Variants in CPS1 observed in about 807,000 individuals in gnomAD.
CPS1 encodes carbamoyl-phosphate synthase [ammonia], mitochondrial.
CPS1 carries 109 observed loss-of-function variants against 174.6 expected under a neutral mutation model. The observed-to-expected ratio is 0.62, with a 90% confidence interval of 0.53 to 0.73. The LOEUF (loss-of-function observed/expected upper bound fraction) is 0.73, where lower values mean the gene tolerates loss of function less well. CPS1 is among the 30% of genes least tolerant of loss of function. CPS1 has a pLI of 0.00. For missense variants in CPS1, 1,689 were observed against 1,821.9 expected, an observed-to-expected ratio of 0.93 and a Z score of 1.33; for synonymous variants, 637 against 632.0, an observed-to-expected ratio of 1.01 and a Z score of -0.12.
At position 210,677,799 on chromosome 2, in the gene CPS1, G is replaced by A. The variant is rs1553519486; in HGVS notation, c.4405-88G>A. ...TATCCCATACCCCTTTGAAAACTGGGGACAGACACTTGTGACTTTTGTCTT... is the reference window on the plus strand; with the variant it reads ...TATCCCATACCCCTTTGAAAACTGGAGACAGACACTTGTGACTTTTGTCTT... On this transcript the variant is annotated intron_variant, in intron 37 of 37. Coordinates refer to ENST00000233072, the MANE Select transcript of CPS1 (RefSeq NM_001875.5). 37 of 1,055,550 alleles carry A rather than the reference G, an allele frequency of 3.5e-5. No homozygotes were observed. In the South Asian group the frequency reaches 4.6e-4, roughly 13 times the overall value. 65.4% of individuals were successfully genotyped at this position (1,055,550 alleles called of 1,614,324 possible).
At position 210,500,113 on chromosome 2, in the gene CPS1, G is replaced by A. The variant is rs1306526926; in HGVS notation, c.3+22347G>A. On this transcript the variant is annotated intron_variant, in intron 1 of 38. Coordinates refer to the CPS1 transcript ENST00000430249. Reference sequence around the variant, plus strand: ...CTTATAAAACCATCAGATCTCATGAGAACTCATCCACTATCATGAAAACAG... The same window carrying A: ...CTTATAAAACCATCAGATCTCATGAAAACTCATCCACTATCATGAAAACAG... Among the ~76,000 whole-genome samples the A allele has an allele frequency of 3.3e-5, 5 of 152,024 alleles. 1 individual carries two copies. The highest frequency in any genetic ancestry group is 7.4e-5 in the Non-Finnish European group (5 of 68,006).
intron 1 of CPS1, among the ~76,000 whole-genome samples, chr2:210,558,363 T>C (rs1457411715): frequency 6.6e-6 from 1 of 152,028 alleles, no homozygotes; most frequent in East Asian, 1.9e-4. Context: ...TCTAGTTATA[T>C]ATATTTTCTT....
At chr2:210,667,508 AT>A (rs373699964) in intron 33 of CPS1, among the ~76,000 whole-genome samples, 13 of 152,292 alleles carry the variant, frequency 8.5e-5, no homozygotes, top group African/African-American at 3.1e-4. Flanking sequence ...GAACTTCTGT[AT>A]ACTCTAACAT....
At chr2:210,514,413 G>A (rs1364456485) in intron 1 of CPS1, among the ~76,000 whole-genome samples, 1 of 151,734 alleles carries the variant, frequency 6.6e-6, no homozygotes, top group South Asian at 2.1e-4. Context: ...TTAGGTAGAT[G>A]TATTCCTAGG....
rs1697706598 is a variant in CPS1, at chr2:210,576,227, G to A, written c.237-119G>A. 9.9e-6 allele frequency: 11 copies of A among 1,105,802 alleles called. No homozygotes were observed. The Middle Eastern group carries it at 5.9e-4, about 60-fold the overall frequency. The allele number at this position is 1,105,802 out of a possible 1,614,324, so 68.5% of individuals were successfully genotyped here. ...TTCCCCAGGTACGTTAAAATCTAGA[G>A]ACATTCTTGTTGGATTCTTCTCATT... On this transcript the variant is annotated intron_variant, in intron 2 of 37. Transcript: ENST00000233072.
intron 1 of CPS1, among the ~76,000 whole-genome samples, chr2:210,558,965 AC>A (rs2106041728): frequency 6.6e-6 from 1 of 152,210 alleles, no homozygotes; most frequent in African/African-American, 2.4e-5. Flanking sequence ...AATGCCAAGC[AC>A]AAAAAATAGA....
intron 13 of CPS1, among the ~76,000 whole-genome samples, chr2:210,596,856 GTTTTAACT>G (rs1698498092): frequency 6.6e-6 from 1 of 151,664 alleles, no homozygotes; most frequent in African/African-American, 2.4e-5. Flanking sequence ...AAGTTATATA[GTTTTAACT>G]AAAGAACAGG....
At chr2:210,677,321 G>A (rs1701567679) in intron 37 of CPS1, among the ~76,000 whole-genome samples, 185 bp downstream of exon 37, 1 of 152,168 alleles carries the variant, frequency 6.6e-6, no homozygotes, top group African/African-American at 2.4e-5. Flanking sequence ...GGGACAGTTG[G>A]TGATCAAGCA....
At chr2:210,604,994 T>G in intron 16 of CPS1, 108 bp from the exon 17 acceptor site, 59 of 1,225,006 alleles carry the variant, frequency 4.8e-5, no homozygotes, top group Non-Finnish European at 6.8e-5. Flanking sequence ...AGACGGGGTT[T>G]GAGAGTTCAG....
chr2:210,577,126 G>A, intron 3 of CPS1: 1 of 420,250 alleles, frequency 2.4e-6, no homozygotes, highest in Non-Finnish European at 4.4e-6. Context: ...TGTGCATTAA[G>A]CCAGTAATTA....
At chr2:210,541,639 A>T (rs1475251189) in intron 1 of CPS1, among the ~76,000 whole-genome samples, 1 of 152,162 alleles carries the variant, frequency 6.6e-6, no homozygotes, top group East Asian at 1.9e-4. Context: ...TTAAGCCCTA[A>T]AAAACAAAGC....
At chr2:210,520,121 A>T (rs1439114731) in intron 1 of CPS1, among the ~76,000 whole-genome samples, 2 of 152,048 alleles carry the variant, frequency 1.3e-5, no homozygotes, top group African/African-American at 4.8e-5. Flanking sequence ...ATTTTGCTAA[A>T]TTTATATAAC....
intron 2 of CPS1, among the ~76,000 whole-genome samples, chr2:210,574,120 GAT>G (rs1431443564): frequency 6.6e-6 from 1 of 151,998 alleles, no homozygotes; most frequent in East Asian, 1.9e-4. Context: ...CAATTCTAAG[GAT>G]AACTAATTAT....
At chr2:210,531,418 T>G (rs1696110946) in intron 1 of CPS1, among the ~76,000 whole-genome samples, 1 of 152,156 alleles carries the variant, frequency 6.6e-6, no homozygotes, top group African/African-American at 2.4e-5. Flanking sequence ...GTACTTATTA[T>G]TCCATGCCTA....
At chr2:210,510,953 A>C (rs1336790405) in intron 1 of CPS1, among the ~76,000 whole-genome samples, 5 of 152,130 alleles carry the variant, frequency 3.3e-5, no homozygotes, top group East Asian at 1.9e-4. Flanking sequence ...CTAGTTCAAC[A>C]ATTGTGGAAG....
intron 1 of CPS1, among the ~76,000 whole-genome samples, chr2:210,506,584 A>G (rs1346697153): frequency 6.6e-6 from 1 of 152,198 alleles, no homozygotes; most frequent in Non-Finnish European, 1.5e-5. Flanking sequence ...ACTCCAAGCT[A>G]AAGGAGGAAG....
At chr2:210,489,946 C>T (rs1177228005) in intron 1 of CPS1, among the ~76,000 whole-genome samples, 3 of 144,620 alleles carry the variant, frequency 2.1e-5, no homozygotes, top group Non-Finnish European at 3.0e-5. Flanking sequence ...TGCAGTGAGC[C>T]GAGATCCTGC....
chr2:210,500,334 C>A (rs888156707), intron 1 of CPS1, among the ~76,000 whole-genome samples: 6 of 152,082 alleles, frequency 3.9e-5, no homozygotes, highest in African/African-American at 1.4e-4. Flanking sequence ...CCCAACAGTC[C>A]CCCAAAGTCT....
intron 1 of CPS1, among the ~76,000 whole-genome samples, chr2:210,491,288 G>T (rs935480308): frequency 1.5e-5 from 2 of 132,792 alleles, no homozygotes; most frequent in Admixed American, 1.5e-4. Flanking sequence ...GGTTGTAAAA[G>T]CATGTATTTG....
Sources: allele counts gnomAD v4.1 joint callset (sites outside exome capture counted in the v4.1 genomes callset), GRCh38; gene constraint gnomAD v4.1.1; transcripts MANE v1.5; gene names NCBI Gene and HGNC (gene_info 2026-07-23, HGNC 2026-07-21).